Variants in FAAH observed in about 807,000 individuals in gnomAD.
The protein encoded by FAAH is fatty-acid amide hydrolase 1.
FAAH carries 63 observed loss-of-function variants against 69.7 expected under a neutral mutation model. That is an observed-to-expected ratio of 0.90 (90% CI 0.74 to 1.12). The LOEUF is 1.12. Among genes scored for constraint, FAAH ranks in the 50% most tolerant of loss-of-function variants. FAAH has a pLI of 0.00. For synonymous variants in FAAH, 305 were observed against 324.2 expected (o/e 0.94, Z 0.64); for missense variants, 680 against 755.0 (o/e 0.90, Z 1.16).
chr1:46,406,204 C>T (rs1664791550), intron 6 of FAAH, 40 bp from the exon 7 acceptor site: 1 of 1,614,050 alleles, frequency 6.2e-7, no homozygotes, highest in Admixed American at 1.7e-5. Flanking sequence ...GGGTTCCTCG[C>T]TCCTTGTCTG....
intron 13 of FAAH, 134 bp downstream of exon 13, chr1:46,412,385 T>G (rs1309728756): frequency 1.3e-6 from 1 of 743,004 alleles, no homozygotes; most frequent in Non-Finnish European, 2.3e-6. Context: ...ACTGGAGACA[T>G]GGCAGTCATG....
In FAAH at chr1:46,409,137, C is replaced by T. The variant is rs767867397; in HGVS notation, c.1114C>T (p.Leu372=). 2.5e-6 allele frequency: 4 copies of T among 1,613,984 alleles called. No individual in the cohort carries two copies. The highest frequency in any genetic ancestry group is 2.2e-5 in the East Asian group (1 of 44,884). ...PFLPSNIPHA[L]ETLSTGGLFS... ...CTTGCCAAGCAACATACCCCATGCT[C>T]TGGAGACCCTGTCAACAGGTGGGCT... Residue 372 remains leucine (L), a synonymous_variant, in exon 9 of 15, where the codon CTG becomes TTG. Transcript: ENST00000243167.
intron 1 of FAAH, among the ~76,000 whole-genome samples, chr1:46,397,932 CTTTTTTTTTTT>C (rs1047486835): frequency 8.5e-6 from 1 of 118,040 alleles, no homozygotes; most frequent in Non-Finnish European, 1.7e-5. Context: ...GTCTTGAACT[CTTTTTTTTTTT>C]TTTTTTTTGA....
Position 46,405,288 on chromosome 1 carries a change from G to A in FAAH, c.445-84G>A, listed in dbSNP as rs974464381. On this transcript the variant is annotated intron_variant, in intron 3 of 14. Coordinates refer to ENST00000243167, the MANE Select transcript of FAAH (RefSeq NM_001441.3). The surrounding 1 kb of genome is among the most constrained non-coding windows in gnomAD (Gnocchi z 4.1). ...AGGGGACACTGGTATACCTGTTTTG[G>A]CCTGTGTGACAGTTGTTGGAGTGGA... 3.1e-6 allele frequency: 5 copies of A among 1,606,362 alleles called. No individual in the cohort carries two copies. The Admixed American group carries it at 6.7e-5, about 21-fold the overall frequency.
chr1:46,403,170 G>A (rs1224663083), intron 2 of FAAH, among the ~76,000 whole-genome samples: 1 of 150,966 alleles, frequency 6.6e-6, no homozygotes, highest in Non-Finnish European at 1.5e-5. Flanking sequence ...TTGCTCTGTC[G>A]CCCAGGCTGG....
intron 2 of FAAH, among the ~76,000 whole-genome samples, chr1:46,403,614 C>G (rs1240054121): frequency 6.6e-6 from 1 of 152,244 alleles, no homozygotes; most frequent in Non-Finnish European, 1.5e-5. Context: ...TCTGCACTGG[C>G]TTGGGTGGGG....
In FAAH at chr1:46,413,544, G is replaced by A. The variant is rs199724618; in HGVS notation, c.1709G>A (p.Arg570Gln). 5.6e-6 allele frequency: 9 copies of A among 1,613,884 alleles called. No individual in the cohort carries two copies. Among genetic ancestry groups the A allele is most frequent in the Admixed American group, 1.7e-5 (1 of 59,996 alleles). Residue 570 changes from arginine (R) to glutamine (Q), a missense_variant, in exon 15 of 15, where the codon CGA (arginine) becomes CAA (glutamine). Arg to Gln is a conservative substitution (Grantham distance 43). Transcript: ENST00000243167. Reference protein sequence around the residue: ...LCLRFMREVERLMTPEKQSS With the variant: ...LCLRFMREVEQLMTPEKQSS ...CTGCGGTTCATGCGGGAGGTGGAGC[G>A]ACTGATGACCCCTGAAAAGCAGTCA...
chr1:46,395,116 T>A (rs1664574243), intron 1 of FAAH, among the ~76,000 whole-genome samples: 1 of 152,188 alleles, frequency 6.6e-6, no homozygotes, highest in Non-Finnish European at 1.5e-5. Context: ...AATTTTTGCA[T>A]TTTTAGTAGA....
chr1:46,395,979 G>A (rs1203960510), intron 1 of FAAH, among the ~76,000 whole-genome samples: 1 of 152,032 alleles, frequency 6.6e-6, no homozygotes, highest in African/African-American at 2.4e-5. Context: ...GGGCCCAGGG[G>A]ACCACCGCTC....
intron 2 of FAAH, 62 bp downstream of exon 2, chr1:46,402,266 C>T: frequency 1.5e-6 from 2 of 1,317,036 alleles, no homozygotes; most frequent in South Asian, 2.5e-5. Context: ...GCCAGCCCCT[C>T]CCTTTCCCCT....
At position 46,410,539 on chromosome 1, in the gene FAAH, G is replaced by GA; in HGVS notation, c.1275+44dup. 1 of 1,556,644 alleles carries GA rather than the reference G, an allele frequency of 6.4e-7. No individual in the cohort carries two copies. The highest frequency in any genetic ancestry group is 1.1e-5 in the South Asian group (1 of 89,768). On this transcript the variant is annotated intron_variant, in intron 10 of 14. Coordinates refer to ENST00000243167, the MANE Select transcript of FAAH (RefSeq NM_001441.3). The surrounding 1 kb of genome is among the most constrained non-coding windows in gnomAD (Gnocchi z 4.9). ...TGGAGGGGCTAGGATGGCTGGGGGGGAACCTAGGGCCTCCTATCGCATGAT... is the reference window on the plus strand; with the variant it reads ...TGGAGGGGCTAGGATGGCTGGGGGGGAAACCTAGGGCCTCCTATCGCATGAT...
chr1:46,404,108 G>T lies in FAAH; in HGVS notation c.310-906G>T, dbSNP rs1035037669. On this transcript the variant is annotated intron_variant, in intron 2 of 14. Coordinates refer to ENST00000243167, the MANE Select transcript of FAAH (RefSeq NM_001441.3). This position sits in a 1 kb window ranked among gnomAD's most constrained non-coding sequence, Gnocchi z 4.5. Reference sequence around the variant, plus strand: ...GAGGAAGCGAGCGCATGCTGGGCTGGTGTCACTGAGAGGGGGCACGTACAT... The same window carrying T: ...GAGGAAGCGAGCGCATGCTGGGCTGTTGTCACTGAGAGGGGGCACGTACAT... 2.6e-5 allele frequency among the ~76,000 whole-genome samples: 4 copies of T among 152,164 alleles called. No individual in the cohort carries two copies. The highest frequency in any genetic ancestry group is 1.3e-4 in the Admixed American group (2 of 15,282).
rs762430018 is a variant in FAAH, at chr1:46,410,882, G to A, written c.1316+28G>A. On this transcript the variant is annotated intron_variant, in intron 11 of 14. Coordinates refer to ENST00000243167, the MANE Select transcript of FAAH (RefSeq NM_001441.3). This position sits in a 1 kb window ranked among gnomAD's most constrained non-coding sequence, Gnocchi z 4.9. ...AAGGGTTCTTCTGTGTCTAGCTGCCGGCCCCTGCCTGTCCTGATCCGAGTC... is the reference window on the plus strand; with the variant it reads ...AAGGGTTCTTCTGTGTCTAGCTGCCAGCCCCTGCCTGTCCTGATCCGAGTC... 9.3e-6 allele frequency: 15 copies of A among 1,613,878 alleles called. No individual in the cohort carries two copies. Among genetic ancestry groups the A allele is most frequent in the Non-Finnish European group, 1.1e-5 (13 of 1,179,926 alleles).
intron 1 of FAAH, 137 bp from the exon 2 acceptor site, chr1:46,401,954 G>C: frequency 2.6e-6 from 2 of 756,248 alleles, no homozygotes; most frequent in Non-Finnish European, 4.7e-6. Context: ...AGGAGACAGA[G>C]CTGCATTCTC....
chr1:46,400,477 AG>A (rs1342007525), intron 1 of FAAH, among the ~76,000 whole-genome samples: 3 of 151,524 alleles, frequency 2.0e-5, no homozygotes, highest in Non-Finnish European at 4.4e-5. Flanking sequence ...GGGGATGGAG[AG>A]GTGACCATTT....
At chr1:46,396,767 A>C (rs981066152) in intron 1 of FAAH, among the ~76,000 whole-genome samples, 1 of 152,224 alleles carries the variant, frequency 6.6e-6, no homozygotes, top group African/African-American at 2.4e-5. Flanking sequence ...CTCTTAGTAC[A>C]GAACAAAATG....
intron 7 of FAAH, 116 bp from the exon 8 acceptor site, chr1:46,408,343 C>T (rs913181265): frequency 7.8e-6 from 11 of 1,417,806 alleles, no homozygotes; most frequent in African/African-American, 1.4e-5. Context: ...GGGCTGGCCT[C>T]GCTGACTGCA....
intron 14 of FAAH, 84 bp downstream of exon 14, chr1:46,413,304 G>T (rs1286663905): frequency 4.3e-6 from 7 of 1,611,252 alleles, no homozygotes; most frequent in African/African-American, 1.3e-5. Context: ...AGCACTGCGG[G>T]TTTGCCAGCC....
chr1:46,406,106 C>G, intron 6 of FAAH, 28 bp downstream of exon 6: 1 of 1,614,098 alleles, frequency 6.2e-7, no homozygotes, highest in Non-Finnish European at 8.5e-7. Flanking sequence ...CTCAGTGCCC[C>G]GAGGAGGGTG....
Sources: gnomAD v4.1 joint callset for allele counts (sites outside exome capture counted in the v4.1 genomes callset) on GRCh38, gnomAD v4.1.1 for gene constraint, Gnocchi (gnomAD v3.1) non-coding constraint, MANE v1.5 for transcripts, NCBI Gene and HGNC (gene_info 2026-07-23, HGNC 2026-07-21) for gene names.